The following LUZP4 variants were observed in gnomAD, a reference collection of about 807,000 sequenced individuals.
LUZP4 encodes the protein leucine zipper protein 4.
LUZP4 carries 11 observed loss-of-function variants against 8.5 expected under a neutral mutation model. The ratio of observed to expected loss-of-function variants is 1.30; its 90% CI spans 0.82 to 2.14. The LOEUF is 2.14. Ranked by LOEUF, LUZP4 falls within the 30% of genes most tolerant of loss-of-function variation. The pLI, the probability that LUZP4 is intolerant of heterozygous loss-of-function variation, is 0.00. For missense variants in LUZP4, 276 were observed against 229.7 expected, an observed-to-expected ratio of 1.20 and a Z score of -1.30; for synonymous variants, 104 against 79.4, an observed-to-expected ratio of 1.31 and a Z score of -1.65.
In LUZP4 at chrX:115,307,507, A is replaced by T. The variant is rs1363538700; in HGVS notation, c.*703A>T. On this transcript the variant is annotated 3_prime_UTR_variant, in exon 4 of 4. Transcript: ENST00000371920. ...GGAGTTATGTTGTTAAAAACACAAG[A>T]TATGTTAACTGCAGTTTGTTTGGTT... is the stretch of plus-strand genomic sequence containing the variant. The T allele has an allele frequency of 8.9e-6, 1 of 112,085 alleles. No individual in the cohort carries two copies. Among genetic ancestry groups the T allele is most frequent in the Non-Finnish European group, 1.9e-5 (1 of 53,242 alleles). The allele number at this position is 112,085 out of a possible 1,213,427, so 9.2% of individuals were successfully genotyped here. A position where few individuals can be genotyped will look rare whatever the true frequency, so the allele number is the denominator to read the frequency against.
chrX:115,290,652 T>C (rs1418936897), intron 1 of LUZP4, among the ~76,000 whole-genome samples: 1 of 111,148 alleles, frequency 9.0e-6, no homozygotes, highest in African/African-American at 3.3e-5. Context: ...CCAAGCCAGA[T>C]AGGGAGTGAG....
At chrX:115,301,918 G>A in intron 1 of LUZP4, 74 bp from the exon 2 acceptor site, 2 of 654,622 alleles carry the variant, frequency 3.1e-6, no homozygotes, top group Admixed American at 7.5e-5. Context: ...GATGAGATAA[G>A]ATATAGATTA....
At chrX:115,303,264 C>A in intron 2 of LUZP4, 36 bp from the exon 3 acceptor site, 1 of 789,102 alleles carries the variant, frequency 1.3e-6, no homozygotes, top group Non-Finnish European at 1.9e-6. Context: ...ATTGAATTTA[C>A]TACTTGAAAA....
At chrX:115,299,764 G>A (rs1031130509) in intron 1 of LUZP4, among the ~76,000 whole-genome samples, 5 of 111,204 alleles carry the variant, frequency 4.5e-5, no homozygotes, top group East Asian at 2.9e-4. Context: ...GATTCCAAGA[G>A]CCCACTTGGT....
In LUZP4 at chrX:115,307,063, T is replaced by C. The variant is rs374953611; in HGVS notation, c.*259T>C. On this transcript the variant is annotated 3_prime_UTR_variant, in exon 4 of 4. Transcript: ENST00000371920. ...AGCCGTATGTACTCAGCCTTTCCTA[T>C]TGGGCCTTCCCCACAATTAGAATAT... 1 of 361,183 alleles carries C rather than the reference T, an allele frequency of 2.8e-6. No individual in the cohort carries two copies. Among genetic ancestry groups the C allele is most frequent in the South Asian group, 4.9e-5 (1 of 20,442 alleles). The allele number at this position is 361,183 out of a possible 1,213,427, so 29.8% of individuals were successfully genotyped here. A position where few individuals can be genotyped will look rare whatever the true frequency, so the allele number is the denominator to read the frequency against.
At chrX:115,300,923 T>G (rs139805326) in intron 1 of LUZP4, among the ~76,000 whole-genome samples, 1 of 111,036 alleles carries the variant, frequency 9.0e-6, no homozygotes, top group Non-Finnish European at 1.9e-5. Context: ...TGAAGGTGTT[T>G]TTTTCTGTGT....
chrX:115,303,733 G>A (rs937386041), intron 3 of LUZP4, among the ~76,000 whole-genome samples: 17 of 111,949 alleles, frequency 1.5e-4, no homozygotes, highest in African/African-American at 5.2e-4. Context: ...GAGGCTTTGA[G>A]CTTAAGTTAT....
Position 115,307,102 on chromosome X carries a change from C to T in LUZP4, c.*298C>T, listed in dbSNP as rs1386212973. The T allele has an allele frequency of 6.8e-6, 2 of 295,698 alleles. No homozygotes were observed. Among genetic ancestry groups the T allele is most frequent in the Non-Finnish European group, 1.2e-5 (2 of 167,014 alleles). The allele number at this position is 295,698 out of a possible 1,213,427, so 24.4% of individuals were successfully genotyped here. ...CAATTAGAATATTTTGACTTAGTGTCCTGTCCCCCTTGGACGTTCCAACTT... is the reference window on the plus strand; with the variant it reads ...CAATTAGAATATTTTGACTTAGTGTTCTGTCCCCCTTGGACGTTCCAACTT... On this transcript the variant is annotated 3_prime_UTR_variant, in exon 4 of 4. Transcript: ENST00000371920.
chrX:115,303,542 C>T (rs2073407475), intron 3 of LUZP4, 124 bp downstream of exon 3: 1 of 302,082 alleles, frequency 3.3e-6, no homozygotes, highest in Non-Finnish European at 5.9e-6. Context: ...CTCCATGGTG[C>T]CTTGAACATA....
intron 2 of LUZP4, 108 bp downstream of exon 2, chrX:115,302,231 T>C (rs1376868883): frequency 5.3e-6 from 4 of 753,349 alleles, no homozygotes; most frequent in Non-Finnish European, 7.3e-6. Flanking sequence ...AGTTGCATTA[T>C]GTTGCTTGTT....
At chrX:115,290,375 G>GTGGT (rs1569520091) in intron 1 of LUZP4, among the ~76,000 whole-genome samples, 1 of 111,153 alleles carries the variant, frequency 9.0e-6, no homozygotes, top group East Asian at 2.9e-4. Flanking sequence ...TTGTTGGCTG[G>GTGGT]TGGTTATTCG....
At chrX:115,300,647 C>A (rs1026435239) in intron 1 of LUZP4, among the ~76,000 whole-genome samples, 1 of 111,253 alleles carries the variant, frequency 9.0e-6, no homozygotes, top group Non-Finnish European at 1.9e-5. Flanking sequence ...AATCTTCCCT[C>A]CATGGGCAGG....
chrX:115,297,973 T>G (rs1556599889), intron 1 of LUZP4, among the ~76,000 whole-genome samples: 1 of 105,494 alleles, frequency 9.5e-6, no homozygotes, highest in African/African-American at 3.5e-5. Flanking sequence ...GCCACCATGC[T>G]CAGCTAATTT....
In LUZP4 at chrX:115,297,924, C is replaced by T. The variant is rs1327547842; in HGVS notation, c.92-4068C>T. Among the ~76,000 whole-genome samples, 3 of 108,809 alleles carry T rather than the reference C, an allele frequency of 2.8e-5. No homozygotes were observed. In the East Asian group the frequency reaches 8.7e-4, roughly 32 times the overall value. The allele number at this position is 108,809 out of a possible 115,157, so 94.5% of individuals were successfully genotyped here. On this transcript the variant is annotated intron_variant, in intron 1 of 3. Transcript: ENST00000371920. ...CCCAGGTCCCCGTTAAGCAATTCTC[C>T]TGCCTCAGCCTCCTGAGTAACTGGG... is the stretch of plus-strand genomic sequence containing the variant.
chrX:115,291,966 A>T (rs1467220900), intron 1 of LUZP4, among the ~76,000 whole-genome samples: 1 of 110,051 alleles, frequency 9.1e-6, no homozygotes, highest in African/African-American at 3.3e-5. Flanking sequence ...GCCATGGCTC[A>T]TGCCTGTAAT....
intron 1 of LUZP4, among the ~76,000 whole-genome samples, chrX:115,293,515 C>G (rs1262188911): frequency 9.0e-6 from 1 of 110,769 alleles, no homozygotes; most frequent in South Asian, 3.9e-4. Flanking sequence ...TGGGCTCAAG[C>G]GATCCATCCA....
intron 1 of LUZP4, among the ~76,000 whole-genome samples, chrX:115,291,707 A>G (rs969938443): frequency 1.4e-4 from 15 of 110,004 alleles, no homozygotes; most frequent in African/African-American, 4.3e-4. Context: ...GGCTCACTTG[A>G]GGCCAGGAGT....
chrX:115,296,520 T>A (rs915201071), intron 1 of LUZP4, among the ~76,000 whole-genome samples: 11 of 111,713 alleles, frequency 9.8e-5, no homozygotes, highest in Admixed American at 2.9e-4. Flanking sequence ...GAAAAGGACA[T>A]GAGAATCTGC....
At chrX:115,294,189 CT>C (rs1353724631) in intron 1 of LUZP4, among the ~76,000 whole-genome samples, 1 of 111,518 alleles carries the variant, frequency 9.0e-6, no homozygotes, top group Non-Finnish European at 1.9e-5. Flanking sequence ...GTTGATTTCA[CT>C]GATGTTTTTG....
Sources: allele counts gnomAD v4.1 joint callset (sites outside exome capture counted in the v4.1 genomes callset), GRCh38; gene constraint gnomAD v4.1.1; transcripts MANE v1.5; gene names NCBI Gene and HGNC (gene_info 2026-07-23, HGNC 2026-07-21).